Variants in MTSS1 observed in about 807,000 individuals in gnomAD.
The protein encoded by MTSS1 is MTSS I-BAR domain containing 1.
Under a neutral mutation model 79.0 loss-of-function variants are expected in MTSS1, and 18 were observed. The ratio of observed to expected loss-of-function variants is 0.23; its 90% CI spans 0.16 to 0.34. The LOEUF (loss-of-function observed/expected upper bound fraction) is 0.34. MTSS1 is among the 10% of genes least tolerant of loss of function. MTSS1 has a pLI of 1.00. For synonymous variants in MTSS1, 341 were observed against 368.6 expected (o/e 0.93, Z 0.86); for missense variants, 815 against 986.2 (o/e 0.83, Z 2.33).
intron 3 of MTSS1, among the ~76,000 whole-genome samples, chr8:124,628,454 A>G (rs1815189330): frequency 6.6e-6 from 1 of 151,896 alleles, no homozygotes; most frequent in Non-Finnish European, 1.5e-5. Context: ...GGCATTTATG[A>G]TCCTTATTAG....
intron 3 of MTSS1, among the ~76,000 whole-genome samples, chr8:124,654,046 C>T (rs1464648648): frequency 6.6e-6 from 1 of 152,146 alleles, no homozygotes; most frequent in East Asian, 1.9e-4. Flanking sequence ...TACTTACATT[C>T]CAGAGCTCCT....
chr8:124,704,481 T>C (rs563359660), intron 1 of MTSS1, among the ~76,000 whole-genome samples: 2 of 152,254 alleles, frequency 1.3e-5, no homozygotes, highest in South Asian at 2.1e-4. Flanking sequence ...AAATTTAAGG[T>C]GTACAGAACA....
intron 3 of MTSS1, among the ~76,000 whole-genome samples, chr8:124,667,914 TA>T (rs112527597): frequency 0.028 from 4,217 of 150,508 alleles, 190 homozygotes; most frequent in African/African-American, 0.097. Context: ...CCTTTCTCTA[TA>T]AAAAAAAATT....
intron 3 of MTSS1, among the ~76,000 whole-genome samples, chr8:124,606,982 T>C (rs1834991139): frequency 1.3e-5 from 2 of 152,126 alleles, no homozygotes; most frequent in African/African-American, 2.4e-5. Flanking sequence ...GGAGGCATCT[T>C]CAGGACAGCT....
chr8:124,591,297 T>C (rs1831838837), intron 3 of MTSS1, 62 bp from the exon 4 acceptor site: 2 of 1,368,590 alleles, frequency 1.5e-6, no homozygotes, highest in South Asian at 2.3e-5. Flanking sequence ...TGGAGGTCTT[T>C]AGAGAACTTT....
In MTSS1 at chr8:124,689,704, C is replaced by A. The variant is rs1431492717; in HGVS notation, c.208+9822G>T. ...GAGGTTCCAGTGAGCCAAGATCGCACCATTGCACTCCAGCCTGGGCAACGA... is the reference window on the plus strand; with the variant it reads ...GAGGTTCCAGTGAGCCAAGATCGCAACATTGCACTCCAGCCTGGGCAACGA... On this transcript the variant is annotated intron_variant, in intron 3 of 13. Transcript: ENST00000518547. 2.7e-5 allele frequency among the ~76,000 whole-genome samples: 4 copies of A among 147,270 alleles called. No individual in the cohort carries two copies. In the East Asian group the frequency reaches 8.0e-4, roughly 30 times the overall value.
chr8:124,686,266 C>T (rs2135108387), intron 3 of MTSS1, among the ~76,000 whole-genome samples: 1 of 152,260 alleles, frequency 6.6e-6, no homozygotes, highest in African/African-American at 2.4e-5. Context: ...GGGAGCGCAA[C>T]ACGAACGGGA....
chr8:124,607,604 C>T (rs1387495400), intron 3 of MTSS1, among the ~76,000 whole-genome samples: 1 of 152,164 alleles, frequency 6.6e-6, no homozygotes, highest in African/African-American at 2.4e-5. Context: ...GACCAAAGTG[C>T]CCTTGAGTCC....
At chr8:124,602,178 C>CATATATATAT (rs1381999447) in intron 3 of MTSS1, among the ~76,000 whole-genome samples, 21 of 101,422 alleles carry the variant, frequency 2.1e-4, no homozygotes, top group African/African-American at 9.3e-4. Flanking sequence ...AAATAAATCT[C>CATATATATAT]ATATATATAC....
chr8:124,555,256 T>G (rs895485499), intron 13 of MTSS1, among the ~76,000 whole-genome samples: 1 of 151,848 alleles, frequency 6.6e-6, no homozygotes, highest in East Asian at 1.9e-4. Flanking sequence ...TTATTATTAT[T>G]TTTTTTTGAG....
chr8:124,568,293 A>G, intron 7 of MTSS1, 86 bp downstream of exon 7: 1 of 1,459,914 alleles, frequency 6.8e-7, no homozygotes, highest in Non-Finnish European at 9.3e-7. Flanking sequence ...TAGATTCTCC[A>G]TGACTCAACA....
intron 1 of MTSS1, among the ~76,000 whole-genome samples, chr8:124,711,818 G>A (rs1356532453): frequency 6.6e-6 from 1 of 151,950 alleles, no homozygotes; most frequent in Non-Finnish European, 1.5e-5. Context: ...ACCAGCCTGG[G>A]GAACATGACA....
At chr8:124,657,823 T>C (rs1424354204) in intron 3 of MTSS1, among the ~76,000 whole-genome samples, 3 of 152,204 alleles carry the variant, frequency 2.0e-5, no homozygotes, top group Non-Finnish European at 4.4e-5. Flanking sequence ...GCAAGCTTTA[T>C]AAAATGAAGT....
intron 3 of MTSS1, among the ~76,000 whole-genome samples, chr8:124,622,568 G>A (rs747030273): frequency 1.2e-4 from 18 of 151,796 alleles, no homozygotes; most frequent in Non-Finnish European, 7.4e-5. Context: ...GCCAAGGCAG[G>A]CGGATCACTT....
chr8:124,567,890 T>C, intron 7 of MTSS1: 1 of 1,433,620 alleles, frequency 7.0e-7, no homozygotes. Context: ...TGCAAATGAT[T>C]TCCTTAAAAA....
intron 3 of MTSS1, among the ~76,000 whole-genome samples, chr8:124,649,455 G>A (rs940096568): frequency 1.3e-5 from 2 of 152,084 alleles, no homozygotes; most frequent in African/African-American, 2.4e-5. Flanking sequence ...ACCAGCTTTC[G>A]TGACAATCAC....
chr8:124,719,975 G>A (rs534740063), intron 1 of MTSS1, among the ~76,000 whole-genome samples: 1 of 152,176 alleles, frequency 6.6e-6, no homozygotes, highest in Non-Finnish European at 1.5e-5. Flanking sequence ...AAACGCTAGA[G>A]CCGGGCTTCA....
At chr8:124,638,817 G>A (rs1817503894) in intron 3 of MTSS1, among the ~76,000 whole-genome samples, 1 of 152,190 alleles carries the variant, frequency 6.6e-6, no homozygotes, top group Admixed American at 6.5e-5. Context: ...CAGAGGAGGA[G>A]GCTTTTCTTA....
In MTSS1 at chr8:124,552,732, C is replaced by A; in HGVS notation, c.*260G>T. 2.4e-6 allele frequency: 1 copy of A among 420,022 alleles called. No individual in the cohort carries two copies. The highest frequency in any genetic ancestry group is 4.2e-6 in the Non-Finnish European group (1 of 238,526). 26.0% of individuals were successfully genotyped at this position (420,022 alleles called of 1,614,324 possible). On this transcript the variant is annotated 3_prime_UTR_variant, in exon 14 of 14. Coordinates refer to ENST00000518547, the MANE Select transcript of MTSS1 (RefSeq NM_014751.6). ...AAAAAAGTTAAATGGAATTTGGCACCTTCAGAAAAATCAAAAGGGAAACTA... is the reference window on the plus strand; with the variant it reads ...AAAAAAGTTAAATGGAATTTGGCACATTCAGAAAAATCAAAAGGGAAACTA...
Sources: allele counts gnomAD v4.1 joint callset (sites outside exome capture counted in the v4.1 genomes callset), GRCh38; gene constraint gnomAD v4.1.1; transcripts MANE v1.5; gene names NCBI Gene and HGNC (gene_info 2026-07-23, HGNC 2026-07-21).